CD8B2: variants seen among roughly 807,000 people sequenced by gnomAD.
The protein encoded by CD8B2 is CD8B family member 2.
A neutral mutation model predicts 23.7 loss-of-function variants in CD8B2; 11 were observed. The ratio of observed to expected loss-of-function variants is 0.46; its 90% CI spans 0.29 to 0.77. The LOEUF (loss-of-function observed/expected upper bound fraction) is 0.77, where lower values mean the gene tolerates loss of function less well. CD8B2 is among the 30% of genes least tolerant of loss of function. The pLI, the probability that CD8B2 is intolerant of heterozygous loss-of-function variation, is 0.09. For missense variants in CD8B2, 197 were observed against 270.5 expected (o/e 0.73, Z 1.91); for synonymous variants, 90 against 109.3 (o/e 0.82, Z 1.10).
downstream of CD8B2, among the ~76,000 whole-genome samples, chr2:106,513,983 T>C (rs1367370642): frequency 6.6e-6 from 1 of 151,806 alleles, no homozygotes; most frequent in African/African-American, 2.4e-5. Flanking sequence ...TTGTGGGCCC[T>C]GCTCAAAGCC....
chr2:106,534,204 C>T (rs1680051991), intron 5 of CD8B2, among the ~76,000 whole-genome samples: 1 of 152,090 alleles, frequency 6.6e-6, no homozygotes, highest in Admixed American at 6.5e-5. Flanking sequence ...TTCACTGGAG[C>T]AGATAGGAAA....
intron 5 of CD8B2, among the ~76,000 whole-genome samples, chr2:106,531,956 GCAGGC>G (rs1192906055): frequency 6.6e-6 from 1 of 152,128 alleles, no homozygotes; most frequent in African/African-American, 2.4e-5. Context: ...GTCATTTGCC[GCAGGC>G]CAGCTTTCAG....
intron 5 of CD8B2, among the ~76,000 whole-genome samples, chr2:106,531,882 C>T (rs1241270400): frequency 6.6e-6 from 1 of 152,202 alleles, no homozygotes; most frequent in African/African-American, 2.4e-5. Flanking sequence ...CCCAGCATTC[C>T]AGTCTCCCCA....
chr2:106,502,074 T>C (rs1679418201), intron 3 of CD8B2, among the ~76,000 whole-genome samples: 1 of 151,788 alleles, frequency 6.6e-6, no homozygotes, highest in South Asian at 2.1e-4. Flanking sequence ...GGTGGGCGGA[T>C]TGCTTGAGGC....
intron 5 of CD8B2, among the ~76,000 whole-genome samples, chr2:106,525,728 C>T (rs779123469): frequency 9.9e-5 from 15 of 152,102 alleles, no homozygotes; most frequent in Non-Finnish European, 1.6e-4. Context: ...TATAATATGG[C>T]CTTTTGTGAC....
chr2:106,518,161 A>G (rs1181429565), intron 5 of CD8B2, among the ~76,000 whole-genome samples: 1 of 152,146 alleles, frequency 6.6e-6, no homozygotes, highest in Non-Finnish European at 1.5e-5. Flanking sequence ...GGTAGTAAAC[A>G]TTTATTTGAG....
intron 5 of CD8B2, among the ~76,000 whole-genome samples, chr2:106,527,127 A>G (rs1349547406): frequency 6.6e-6 from 1 of 152,192 alleles, no homozygotes. Context: ...TAACTTCTAT[A>G]TTTAACTTTT....
At chr2:106,492,698 A>C (rs916369485) in intron 2 of CD8B2, among the ~76,000 whole-genome samples, 1 of 152,126 alleles carries the variant, frequency 6.6e-6, no homozygotes, top group Non-Finnish European at 1.5e-5. Flanking sequence ...AAAAGCCACA[A>C]GGGGACCCAG....
At chr2:106,528,472 T>C (rs1328434342) in intron 5 of CD8B2, among the ~76,000 whole-genome samples, 2 of 152,234 alleles carry the variant, frequency 1.3e-5, no homozygotes, top group African/African-American at 4.8e-5. Context: ...CTACTTTCTT[T>C]TGTATGTGGT....
intron 3 of CD8B2, among the ~76,000 whole-genome samples, chr2:106,500,348 ATC>A (rs1393536429): frequency 7.5e-6 from 1 of 132,534 alleles, no homozygotes; most frequent in Non-Finnish European, 1.6e-5. Context: ...GTGAAAACCC[ATC>A]TCTACTAAAA....
chr2:106,527,982 C>T (rs1348467875), intron 5 of CD8B2, among the ~76,000 whole-genome samples: 1 of 152,282 alleles, frequency 6.6e-6, no homozygotes, highest in South Asian at 2.1e-4. Context: ...TCCAGCATAT[C>T]CTCATTCTTT....
At chr2:106,522,106 C>T (rs1679835876) in intron 5 of CD8B2, 1 of 152,222 alleles carries the variant, frequency 6.6e-6, no homozygotes, top group Non-Finnish European at 1.5e-5. Context: ...TGAAGCTGAT[C>T]CCCGGATCTC....
At chr2:106,498,707 G>A (rs1187809789) in intron 3 of CD8B2, among the ~76,000 whole-genome samples, 2 of 152,172 alleles carry the variant, frequency 1.3e-5, no homozygotes, top group Non-Finnish European at 2.9e-5. Context: ...CTGAATAGGT[G>A]ATTCAGCCTC....
At chr2:106,498,052 T>C (rs559857159) in intron 3 of CD8B2, among the ~76,000 whole-genome samples, 71 of 152,328 alleles carry the variant, frequency 4.7e-4, no homozygotes, top group African/African-American at 1.6e-3. Context: ...TTCATCTTCA[T>C]GTAAGGACAG....
intron 5 of CD8B2, among the ~76,000 whole-genome samples, chr2:106,535,914 C>G (rs10173325): frequency 2.8e-4 from 42 of 152,186 alleles, no homozygotes; most frequent in African/African-American, 9.4e-4. Flanking sequence ...GGCTTCTGCT[C>G]TGCTCCTGGG....
chr2:106,529,585 C>G (rs192254300), intron 5 of CD8B2, among the ~76,000 whole-genome samples: 5 of 152,320 alleles, frequency 3.3e-5, no homozygotes, highest in African/African-American at 1.2e-4. Context: ...CTTCTTAAAT[C>G]CATCCATTTT....
chr2:106,495,723 C>G (rs868413747), intron 2 of CD8B2, among the ~76,000 whole-genome samples: 2 of 152,238 alleles, frequency 1.3e-5, no homozygotes, highest in African/African-American at 4.8e-5. Context: ...GCTCTGTGAC[C>G]TTCAAGCCCT....
At chr2:106,529,915 C>G (rs1347865058) in intron 5 of CD8B2, among the ~76,000 whole-genome samples, 2 of 152,210 alleles carry the variant, frequency 1.3e-5, no homozygotes, top group Non-Finnish European at 2.9e-5. Context: ...GCAGGTGTAG[C>G]AGTCAAAGTT....
intron 5 of CD8B2, among the ~76,000 whole-genome samples, chr2:106,538,274 T>C (rs989426902): frequency 6.6e-6 from 1 of 152,172 alleles, no homozygotes; most frequent in Non-Finnish European, 1.5e-5. Context: ...TGAGGAAGGT[T>C]TAGGCTGTGA....
Sources: allele counts gnomAD v4.1 joint callset (sites outside exome capture counted in the v4.1 genomes callset), GRCh38; gene constraint gnomAD v4.1.1; transcripts MANE v1.5; gene names NCBI Gene and HGNC (gene_info 2026-07-23, HGNC 2026-07-21).